SLC2A9: variants seen among roughly 807,000 people sequenced by gnomAD.
The protein encoded by SLC2A9 is solute carrier family 2, facilitated glucose transporter member 9.
In SLC2A9, 39 loss-of-function variants were observed where a neutral mutation model predicts 50.6. The ratio of observed to expected loss-of-function variants is 0.77; its 90% CI spans 0.60 to 1.01. SLC2A9 has a LOEUF of 1.01. Among genes scored for constraint, SLC2A9 ranks in the 50% least tolerant of loss-of-function variants. The pLI is 0.00. For missense variants in SLC2A9, 686 were observed against 677.6 expected (o/e 1.01, Z -0.14); for synonymous variants, 324 against 276.9 (o/e 1.17, Z -1.69).
intron 6 of SLC2A9, among the ~76,000 whole-genome samples, chr4:9,934,645 T>A (rs776871663): frequency 6.6e-6 from 1 of 152,202 alleles, no homozygotes; most frequent in Non-Finnish European, 1.5e-5. Flanking sequence ...CATGGGGAAT[T>A]TTTTAATTTT....
chr4:9,838,300 G>A (rs888280761), intron 10 of SLC2A9, among the ~76,000 whole-genome samples: 1 of 152,126 alleles, frequency 6.6e-6, no homozygotes, highest in Non-Finnish European at 1.5e-5. Flanking sequence ...CAGGCATTAT[G>A]AAAAGCATTT....
intron 5 of SLC2A9, among the ~76,000 whole-genome samples, chr4:9,980,090 A>C (rs1439511913): frequency 6.6e-6 from 1 of 152,132 alleles, no homozygotes; most frequent in African/African-American, 2.4e-5. Context: ...CTGGGATTCA[A>C]ATTCAGGCCC....
At chr4:9,819,057 G>A (rs951149648) in intron 3 of SLC2A9, among the ~76,000 whole-genome samples, 4 of 147,924 alleles carry the variant, frequency 2.7e-5, no homozygotes, top group Non-Finnish European at 5.9e-5. Context: ...AGGTGGAGCT[G>A]GCAGTGAGCC....
intron 10 of SLC2A9, among the ~76,000 whole-genome samples, chr4:9,869,575 T>C (rs565488721): frequency 6.6e-6 from 1 of 152,334 alleles, no homozygotes; most frequent in Admixed American, 6.5e-5. Flanking sequence ...CTGGGACTCT[T>C]ATCTGACACA....
chr4:9,864,013 G>A (rs6823758), intron 10 of SLC2A9, among the ~76,000 whole-genome samples: 1,561 of 152,048 alleles, frequency 0.01, 57 homozygotes, highest in African/African-American at 0.036. Flanking sequence ...CCAGATCTAG[G>A]CCCTGGGACT....
intron 10 of SLC2A9, chr4:9,879,383 T>TA: frequency 5.4e-6 from 2 of 371,556 alleles, no homozygotes; most frequent in Non-Finnish European, 6.9e-6. Context: ...TATGTGTGTA[T>TA]GTGTGTGTGT....
At chr4:9,840,089 G>A (rs1031302399) in intron 10 of SLC2A9, among the ~76,000 whole-genome samples, 1 of 152,134 alleles carries the variant, frequency 6.6e-6, no homozygotes, top group African/African-American at 2.4e-5. Flanking sequence ...TAGGCTTGTG[G>A]AAGGTAAGTA....
At chr4:9,893,424 G>C (rs1165837475) in intron 8 of SLC2A9, among the ~76,000 whole-genome samples, 1 of 152,076 alleles carries the variant, frequency 6.6e-6, no homozygotes, top group Non-Finnish European at 1.5e-5. Flanking sequence ...GGGCAGTGAG[G>C]TTCAAGAATA....
At chr4:9,929,091 T>G (rs562063805) in intron 6 of SLC2A9, among the ~76,000 whole-genome samples, 23 of 152,372 alleles carry the variant, frequency 1.5e-4, no homozygotes, top group African/African-American at 5.3e-4. Flanking sequence ...ATTTTTGAGC[T>G]ATCCACGTTG....
intron 10 of SLC2A9, among the ~76,000 whole-genome samples, chr4:9,835,215 T>C (rs1726833478): frequency 6.6e-6 from 1 of 152,076 alleles, no homozygotes. Flanking sequence ...TTGCAGGGCA[T>C]TTATTACCCT....
rs544488764 is a variant in SLC2A9, at chr4:9,878,133, A to C, written c.1291+9434T>G. On this transcript the variant is annotated intron_variant, in intron 10 of 11. Transcript: ENST00000264784. ...CAGCCCAGGGCTGGCACTGTGGCATAACACACACACACATATATATATATA... is the reference window on the plus strand; with the variant it reads ...CAGCCCAGGGCTGGCACTGTGGCATCACACACACACACATATATATATATA... Among the ~76,000 whole-genome samples, 30 of 151,546 alleles carry C rather than the reference A, an allele frequency of 2.0e-4. 1 individual carries two copies. In the East Asian group the frequency reaches 2.1e-3, roughly 11 times the overall value.
chr4:9,829,915 G>C (rs1330830286), intron 11 of SLC2A9, among the ~76,000 whole-genome samples: 1 of 152,176 alleles, frequency 6.6e-6, no homozygotes, highest in East Asian at 1.9e-4. Context: ...ATTGTTGGTG[G>C]GAGTTTAAAT....
At chr4:9,982,273 C>T (rs2109111094) in intron 4 of SLC2A9, among the ~76,000 whole-genome samples, 1 of 152,302 alleles carries the variant, frequency 6.6e-6, no homozygotes, top group Non-Finnish European at 1.5e-5. Context: ...CCTTAAGTGC[C>T]CTCGAGTTCT....
At chr4:9,916,470 A>C (rs1440974207) in intron 7 of SLC2A9, among the ~76,000 whole-genome samples, 1 of 152,240 alleles carries the variant, frequency 6.6e-6, no homozygotes, top group Non-Finnish European at 1.5e-5. Context: ...TTGAAACTGC[A>C]TGGCATTGAG....
chr4:9,882,704 G>A (rs1577682171), intron 10 of SLC2A9, among the ~76,000 whole-genome samples: 1 of 115,228 alleles, frequency 8.7e-6, no homozygotes, highest in Non-Finnish European at 1.9e-5. Flanking sequence ...GTGAGACTCT[G>A]TCTCAAGAAA....
intron 1 of SLC2A9, among the ~76,000 whole-genome samples, chr4:10,033,937 C>G (rs1184334572): frequency 1.3e-5 from 2 of 152,226 alleles, no homozygotes; most frequent in East Asian, 1.9e-4. Context: ...GCTTTCCGCC[C>G]TTTTCAAGGG....
chr4:10,035,020 A>T (rs1224791115), intron 1 of SLC2A9: 1 of 152,228 alleles, frequency 6.6e-6, no homozygotes, highest in South Asian at 2.1e-4. Context: ...CAGTCTCAGC[A>T]AAAACACTAC....
chr4:10,036,635 T>C (rs140949344), intron 1 of SLC2A9, among the ~76,000 whole-genome samples: 1 of 152,366 alleles, frequency 6.6e-6, no homozygotes, highest in Non-Finnish European at 1.5e-5. Context: ...TACTCGGCCA[T>C]ATTTCATTTA....
chr4:9,840,785 A>G (rs1317660558), intron 10 of SLC2A9, among the ~76,000 whole-genome samples: 2 of 152,206 alleles, frequency 1.3e-5, no homozygotes, highest in African/African-American at 4.8e-5. Context: ...GATATACCTG[A>G]CACTGAGTAA....
Sources: allele counts gnomAD v4.1 joint callset (sites outside exome capture counted in the v4.1 genomes callset), GRCh38; gene constraint gnomAD v4.1.1; transcripts MANE v1.5; gene names NCBI Gene and HGNC (gene_info 2026-07-23, HGNC 2026-07-21).